The following WNK1 variants were observed in gnomAD, a reference collection of about 807,000 sequenced individuals.
WNK1 encodes serine/threonine-protein kinase WNK1.
Under a neutral mutation model 222.8 loss-of-function variants are expected in WNK1, and 38 were observed. The observed-to-expected ratio is 0.17, with a 90% CI of 0.13 to 0.22. WNK1 has a LOEUF of 0.22. Among genes scored for constraint, WNK1 ranks in the 10% least tolerant of loss-of-function variants. The probability of loss-of-function intolerance (pLI) is 1.00; values close to 1 mark genes in which losing one functional copy is unlikely to be tolerated. For synonymous variants in WNK1, 1,090 were observed against 1,092.9 expected (o/e 1.00, Z 0.05); for missense variants, 2,348 against 2,918.4 (o/e 0.80, Z 4.50).
chr12:865,740 A>G (rs577802711), intron 8 of WNK1, among the ~76,000 whole-genome samples: 7 of 152,276 alleles, frequency 4.6e-5, no homozygotes, highest in Non-Finnish European at 8.8e-5. Flanking sequence ...AACATTACCC[A>G]AACATTTTTT....
intron 4 of WNK1, chr12:851,619 C>A: frequency 7.9e-7 from 1 of 1,270,138 alleles, no homozygotes; most frequent in Non-Finnish European, 1.0e-6. Context: ...CTTCCTTATG[C>A]TGTGGGCTGA....
In WNK1 at chr12:908,739, A is replaced by AAT. The variant is rs1565626163; in HGVS notation, c.7097_7098dup (p.Leu2367IlefsTer24). The AAT allele has an allele frequency of 1.3e-5, 21 of 1,611,956 alleles. No individual in the cohort carries two copies. The highest frequency in any genetic ancestry group is 1.7e-5 in the Non-Finnish European group (20 of 1,178,748). On this transcript the variant is annotated frameshift_variant, in exon 28 of 28. Coordinates refer to ENST00000315939, the MANE Select transcript of WNK1 (RefSeq NM_018979.4). LOFTEE classifies it high-confidence loss of function. ...CTCCTTGCAGAATTTCAACATCAGC[A>AAT]ATTTGCAGAAATCCATCAGCAACCC...
chr12:886,465 C>T (rs1953667248), intron 19 of WNK1, among the ~76,000 whole-genome samples: 1 of 152,062 alleles, frequency 6.6e-6, no homozygotes, highest in Admixed American at 6.6e-5. Context: ...GAGAATGAAG[C>T]AAATTTTTGG....
At chr12:876,175 C>T (rs565009155) in intron 9 of WNK1, among the ~76,000 whole-genome samples, 130 of 152,166 alleles carry the variant, frequency 8.5e-4, no homozygotes, top group Non-Finnish European at 1.4e-3. Context: ...TTTGGGAGGC[C>T]GAGGTGCACG....
At chr12:854,458 A>C (rs569855706) in intron 4 of WNK1, among the ~76,000 whole-genome samples, 48 of 145,588 alleles carry the variant, frequency 3.3e-4, no homozygotes, top group African/African-American at 1.2e-3. Flanking sequence ...CCTGGGTTCA[A>C]GCGATTCTCC....
intron 9 of WNK1, among the ~76,000 whole-genome samples, chr12:877,659 C>A (rs534542039): frequency 8.6e-4 from 131 of 152,262 alleles, no homozygotes; most frequent in Non-Finnish European, 1.7e-3. Flanking sequence ...AAGGCATTAA[C>A]AGCTAGTAAA....
chr12:791,142 G>A (rs1247507436), intron 1 of WNK1, among the ~76,000 whole-genome samples: 1 of 151,574 alleles, frequency 6.6e-6, no homozygotes, highest in African/African-American at 2.4e-5. Context: ...GGATGTCATA[G>A]TACCACAATA....
intron 9 of WNK1, among the ~76,000 whole-genome samples, chr12:874,384 G>A (rs718389): frequency 0.54 from 82,043 of 151,808 alleles, 22,519 homozygotes; most frequent in East Asian, 0.62. Context: ...GCTCTAAGAT[G>A]TAACATTAAC....
At chr12:788,323 A>G (rs1035072201) in intron 1 of WNK1, among the ~76,000 whole-genome samples, 15 of 151,876 alleles carry the variant, frequency 9.9e-5, no homozygotes, top group African/African-American at 3.6e-4. Context: ...CTTGAAATTA[A>G]AAAAAAAGCT....
At chr12:810,122 C>T (rs1046557835) in intron 1 of WNK1, among the ~76,000 whole-genome samples, 7 of 152,026 alleles carry the variant, frequency 4.6e-5, no homozygotes, top group Non-Finnish European at 8.8e-5. Context: ...TGGTGGCACA[C>T]GCCTGTAATC....
chr12:782,581 T>C (rs189934245), intron 1 of WNK1, among the ~76,000 whole-genome samples: 2 of 152,304 alleles, frequency 1.3e-5, no homozygotes, highest in East Asian at 1.9e-4. Context: ...GTCGGCTCAC[T>C]GCAACCTCCA....
intron 22 of WNK1, among the ~76,000 whole-genome samples, chr12:893,522 C>G (rs1954461145): frequency 6.6e-6 from 1 of 151,936 alleles, no homozygotes; most frequent in Non-Finnish European, 1.5e-5. Context: ...TTAAATTGCC[C>G]AAAACTAAAT....
chr12:895,247 G>A (rs1954636644), intron 23 of WNK1, among the ~76,000 whole-genome samples: 1 of 152,044 alleles, frequency 6.6e-6, no homozygotes, highest in Admixed American at 6.6e-5. Context: ...TTTATAGGTG[G>A]GCTGAGTTTG....
chr12:802,876 A>G (rs2153994547), intron 1 of WNK1, among the ~76,000 whole-genome samples: 1 of 152,342 alleles, frequency 6.6e-6, no homozygotes, highest in East Asian at 1.9e-4. Flanking sequence ...CTGAGGCCAC[A>G]AATAAATGTA....
chr12:829,858 T>C (rs972554216), intron 3 of WNK1, 145 bp from the exon 4 acceptor site: 2 of 806,400 alleles, frequency 2.5e-6, no homozygotes, highest in African/African-American at 3.4e-5. Context: ...CTGAGAAGAT[T>C]TCCTTCCTCT....
intron 9 of WNK1, among the ~76,000 whole-genome samples, chr12:875,476 ATATTTT>A (rs1565561527): frequency 6.6e-6 from 1 of 152,220 alleles, no homozygotes; most frequent in Non-Finnish European, 1.5e-5. Context: ...ATCAGACAGA[ATATTTT>A]TAAGGAATAA....
chr12:850,472 C>T (rs1950337811), intron 4 of WNK1, among the ~76,000 whole-genome samples: 1 of 151,796 alleles, frequency 6.6e-6, no homozygotes, highest in Non-Finnish European at 1.5e-5. Flanking sequence ...GATATTAGCC[C>T]TTTGTCAGAT....
intron 2 of WNK1, among the ~76,000 whole-genome samples, chr12:815,143 G>C (rs1045452907): frequency 1.3e-5 from 2 of 152,194 alleles, no homozygotes; most frequent in African/African-American, 4.8e-5. Flanking sequence ...TGTGTGGCCA[G>C]GTTCCTAAAA....
At chr12:855,302 A>G (rs1950698803) in intron 4 of WNK1, among the ~76,000 whole-genome samples, 1 of 152,252 alleles carries the variant, frequency 6.6e-6, no homozygotes, top group South Asian at 2.1e-4. Context: ...AAGCTTTTAA[A>G]TACATGAATT....
Sources: allele counts gnomAD v4.1 joint callset (sites outside exome capture counted in the v4.1 genomes callset), GRCh38; gene constraint gnomAD v4.1.1; transcripts MANE v1.5; gene names NCBI Gene and HGNC (gene_info 2026-07-23, HGNC 2026-07-21).